Variants in CDK14 observed in about 807,000 individuals in gnomAD.
CDK14 encodes the protein cyclin-dependent kinase 14.
A neutral mutation model predicts 60.7 loss-of-function variants in CDK14; 34 were observed. The observed-to-expected ratio is 0.56, with a 90% CI of 0.43 to 0.75. The LOEUF is 0.75. Ranked by LOEUF, CDK14 falls within the 30% of genes least tolerant of loss-of-function variation. The pLI, the probability that CDK14 is intolerant of heterozygous loss-of-function variation, is 0.00. For missense variants in CDK14, 482 were observed against 564.1 expected (o/e 0.85, Z 1.47); for synonymous variants, 197 against 203.7 (o/e 0.97, Z 0.28).
chr7:91,161,011 G>A (rs1054387403), intron 14 of CDK14, among the ~76,000 whole-genome samples: 73 of 152,322 alleles, frequency 4.8e-4, no homozygotes, highest in African/African-American at 1.6e-3. Flanking sequence ...GGAGCTCAGA[G>A]TTTAATTGGG....
intron 2 of CDK14, among the ~76,000 whole-genome samples, chr7:90,709,091 T>G (rs1003653134): frequency 6.6e-6 from 1 of 152,146 alleles, no homozygotes; most frequent in African/African-American, 2.4e-5. Flanking sequence ...CACCAAAAAT[T>G]CTGCAAGCTC....
At chr7:90,804,797 A>C (rs1007533230) in intron 5 of CDK14, among the ~76,000 whole-genome samples, 77 of 152,246 alleles carry the variant, frequency 5.1e-4, no homozygotes, top group African/African-American at 1.8e-3. Flanking sequence ...TGTCAACTAG[A>C]AATATAAATT....
rs567462472 is a variant in CDK14, at chr7:90,751,026, G to C, written c.464+3251G>C. Among the ~76,000 whole-genome samples, 10 of 151,842 alleles carry C rather than the reference G, an allele frequency of 6.6e-5. No homozygotes were observed. The South Asian group carries it at 8.4e-4, about 13-fold the overall frequency. On this transcript the variant is annotated intron_variant, in intron 4 of 14. Transcript: ENST00000380050. Reference sequence around the variant, plus strand: ...ATGAACAAAATCTTTGAGAAATATGGGATAATGTAAAGTGATCAAACCTTC... The same window carrying C: ...ATGAACAAAATCTTTGAGAAATATGCGATAATGTAAAGTGATCAAACCTTC...
At chr7:91,063,773 A>G (rs1265155405) in intron 11 of CDK14, among the ~76,000 whole-genome samples, 3 of 152,204 alleles carry the variant, frequency 2.0e-5, no homozygotes, top group African/African-American at 7.2e-5. Flanking sequence ...CCCTCCCTGG[A>G]GTAATACTGC....
intron 14 of CDK14, among the ~76,000 whole-genome samples, chr7:91,149,313 G>T (rs115063831): frequency 4.0e-5 from 6 of 149,020 alleles, no homozygotes; most frequent in Non-Finnish European, 8.9e-5. Flanking sequence ...CTTTCAGCAC[G>T]TTACAGCCTA....
intron 10 of CDK14, among the ~76,000 whole-genome samples, chr7:91,034,240 T>G (rs1796847421): frequency 1.3e-5 from 2 of 152,144 alleles, no homozygotes; most frequent in African/African-American, 4.8e-5. Flanking sequence ...CAGACAGTGG[T>G]CCCAACCGGG....
intron 6 of CDK14, among the ~76,000 whole-genome samples, chr7:90,863,668 A>T (rs1008629895): frequency 4.1e-5 from 2 of 48,848 alleles, no homozygotes; most frequent in East Asian, 5.1e-4. Context: ...GCTTATTAAG[A>T]TATGTGTGTG....
intron 4 of CDK14, among the ~76,000 whole-genome samples, chr7:90,753,022 C>T (rs937430865): frequency 1.3e-5 from 2 of 151,982 alleles, no homozygotes; most frequent in African/African-American, 4.8e-5. Context: ...TCAAAAAAAG[C>T]CCAGGACTAG....
intron 2 of CDK14, among the ~76,000 whole-genome samples, chr7:90,684,288 G>C (rs570041344): frequency 6.6e-6 from 1 of 152,114 alleles, no homozygotes; most frequent in African/African-American, 2.4e-5. Flanking sequence ...TTCTTTTATT[G>C]TATATATTTA....
intron 4 of CDK14, among the ~76,000 whole-genome samples, chr7:90,769,851 G>C (rs189262412): frequency 1.3e-5 from 2 of 152,294 alleles, no homozygotes. Context: ...GTTGTTTGCT[G>C]TTTTAGTCCT....
At chr7:90,748,090 T>C (rs1456195216) in intron 4 of CDK14, among the ~76,000 whole-genome samples, 1 of 152,192 alleles carries the variant, frequency 6.6e-6, no homozygotes, top group East Asian at 1.9e-4. Flanking sequence ...GATTAATTTC[T>C]CATAGAGATT....
intron 3 of CDK14, among the ~76,000 whole-genome samples, chr7:90,727,426 A>T (rs1802684674): frequency 6.6e-6 from 1 of 152,302 alleles, no homozygotes; most frequent in South Asian, 2.1e-4. Context: ...CTTTAGATAT[A>T]ACTAGTGATT....
chr7:91,046,023 G>T, intron 11 of CDK14, 63 bp downstream of exon 11: 1 of 1,112,380 alleles, frequency 9.0e-7, no homozygotes, highest in Non-Finnish European at 1.4e-6. Context: ...GTATATAAAT[G>T]TTCCCTCTCA....
At chr7:91,129,094 A>G (rs1025773911) in intron 14 of CDK14, among the ~76,000 whole-genome samples, 10 of 152,196 alleles carry the variant, frequency 6.6e-5, no homozygotes, top group Admixed American at 5.9e-4. Flanking sequence ...AGCAGATCTC[A>G]AAGTGTGGTC....
chr7:90,709,186 C>T (rs139887740), intron 2 of CDK14: 3 of 234,410 alleles, frequency 1.3e-5, no homozygotes, highest in East Asian at 8.9e-5. Flanking sequence ...ATATTTGGTG[C>T]GTGGTTATTT....
intron 10 of CDK14, among the ~76,000 whole-genome samples, chr7:90,993,932 CTG>C (rs1364648244): frequency 6.6e-6 from 1 of 152,072 alleles, no homozygotes; most frequent in Non-Finnish European, 1.5e-5. Context: ...TGGTTTACCT[CTG>C]TGATCTGTCT....
chr7:90,714,515 G>A (rs79186710), intron 2 of CDK14, among the ~76,000 whole-genome samples: 6,188 of 152,114 alleles, frequency 0.041, 187 homozygotes, highest in Middle Eastern at 0.078. Flanking sequence ...ATTTATTATT[G>A]CTGAAATTTT....
chr7:91,162,511 G>C (rs531019326), intron 14 of CDK14, among the ~76,000 whole-genome samples: 1 of 152,260 alleles, frequency 6.6e-6, no homozygotes, highest in Admixed American at 6.5e-5. Flanking sequence ...GGGAAGGTTA[G>C]GGGAGGGAGA....
At chr7:90,733,030 G>A (rs1802936059) in intron 3 of CDK14, among the ~76,000 whole-genome samples, 1 of 151,882 alleles carries the variant, frequency 6.6e-6, no homozygotes, top group South Asian at 2.1e-4. Context: ...GGAGATTCTG[G>A]TATGTTGTGT....
Sources: allele counts gnomAD v4.1 joint callset (sites outside exome capture counted in the v4.1 genomes callset), GRCh38; gene constraint gnomAD v4.1.1; transcripts MANE v1.5; gene names NCBI Gene and HGNC (gene_info 2026-07-23, HGNC 2026-07-21).